FAM222A: variants seen among roughly 807,000 people sequenced by gnomAD.
FAM222A encodes family with sequence similarity 222 member A, also known as protein FAM222A.
In FAM222A, 7 loss-of-function variants were observed where a neutral mutation model predicts 25.8. The observed-to-expected ratio is 0.27, with a 90% confidence interval of 0.15 to 0.51. The LOEUF is 0.51. Ranked by LOEUF, FAM222A falls within the 20% of genes least tolerant of loss-of-function variation. The pLI is 0.97. For missense variants in FAM222A, 573 were observed against 640.5 expected, an observed-to-expected ratio of 0.89 and a Z score of 1.14; for synonymous variants, 294 against 298.8, an observed-to-expected ratio of 0.98 and a Z score of 0.17.
chr12:109,727,833 A>G (rs1046979517), intron 1 of FAM222A, among the ~76,000 whole-genome samples: 5 of 152,134 alleles, frequency 3.3e-5, no homozygotes, highest in African/African-American at 7.2e-5. Flanking sequence ...CCCACCACCA[A>G]AGTCCTGGGT....
Position 109,714,234 on chromosome 12 carries a change from T to C in FAM222A, c.-710T>C. 1 of 206,752 alleles carries C rather than the reference T, an allele frequency of 4.8e-6. No individual in the cohort carries two copies. The allele number at this position is 206,752 out of a possible 1,614,324, so 12.8% of individuals were successfully genotyped here. A position where few individuals can be genotyped will look rare whatever the true frequency, so the allele number is the denominator to read the frequency against. ...CCGCCGCCGCTGCCGCCGCCGCTGT[T>C]CGCCGGCTTCCCCTCCCCCCACACC... On this transcript the variant is annotated 5_prime_UTR_variant, in exon 1 of 3. Coordinates refer to ENST00000538780, the MANE Select transcript of FAM222A (RefSeq NM_032829.3). This position sits in a 1 kb window ranked among gnomAD's most constrained non-coding sequence, Gnocchi z 4.2.
intron 1 of FAM222A, among the ~76,000 whole-genome samples, chr12:109,726,932 G>T (rs1270666547): frequency 2.0e-5 from 3 of 152,208 alleles, no homozygotes; most frequent in African/African-American, 4.8e-5. Flanking sequence ...AGTCCAAAAA[G>T]TTGGGTGTGC....
chr12:109,715,424 T>C (rs1369629516), intron 1 of FAM222A, among the ~76,000 whole-genome samples: 3 of 152,204 alleles, frequency 2.0e-5, no homozygotes, highest in Admixed American at 6.5e-5. Flanking sequence ...GGACGGTAGG[T>C]TCCCCAGTGG....
chr12:109,745,365 A>G (rs1015629830), intron 2 of FAM222A, among the ~76,000 whole-genome samples: 4 of 152,214 alleles, frequency 2.6e-5, no homozygotes, highest in African/African-American at 9.6e-5. Context: ...CCAGTCCTCT[A>G]TTTAGACTGT....
chr12:109,767,760 CA>C (rs1889098739), intron 2 of FAM222A, among the ~76,000 whole-genome samples: 1 of 152,140 alleles, frequency 6.6e-6, no homozygotes. Context: ...AGGGACCCTA[CA>C]GGGGATTAGC....
chr12:109,719,984 C>T (rs144177007), intron 1 of FAM222A: 3 of 529,814 alleles, frequency 5.7e-6, no homozygotes, highest in African/African-American at 4.1e-5. Context: ...ATTATTTTAC[C>T]CCTCTGTGCC....
chr12:109,724,222 A>G (rs1436556500), intron 1 of FAM222A, among the ~76,000 whole-genome samples: 1 of 152,230 alleles, frequency 6.6e-6, no homozygotes, highest in Non-Finnish European at 1.5e-5. Flanking sequence ...GTGCCATGCC[A>G]TGGTTCAAGT....
chr12:109,719,394 C>T (rs1182824942), intron 1 of FAM222A, among the ~76,000 whole-genome samples: 1 of 152,212 alleles, frequency 6.6e-6, no homozygotes, highest in Non-Finnish European at 1.5e-5. Context: ...CTCCTCTTCC[C>T]ACCCACTCGT....
chr12:109,734,427 A>G (rs895352077), intron 1 of FAM222A: 1 of 151,770 alleles, frequency 6.6e-6, no homozygotes, highest in Admixed American at 6.6e-5. Context: ...CAGAAAGCTC[A>G]CTGCTTCCTG....
chr12:109,739,541 G>A (rs577861964), intron 1 of FAM222A, among the ~76,000 whole-genome samples: 6 of 152,240 alleles, frequency 3.9e-5, no homozygotes, highest in Admixed American at 3.3e-4. Flanking sequence ...CCTGATTTGC[G>A]CTCCTTGAAT....
intron 1 of FAM222A, among the ~76,000 whole-genome samples, chr12:109,717,359 C>T (rs1057072344): frequency 5.9e-5 from 9 of 152,168 alleles, no homozygotes; most frequent in Non-Finnish European, 7.3e-5. Flanking sequence ...TGGAGGGAGG[C>T]GGTGAAGCTG....
At chr12:109,741,461 G>T (rs1006539641) in intron 1 of FAM222A, among the ~76,000 whole-genome samples, 1 of 152,186 alleles carries the variant, frequency 6.6e-6, no homozygotes, top group Non-Finnish European at 1.5e-5. Flanking sequence ...ATAAGAGCAC[G>T]CTGACAACTA....
intron 2 of FAM222A, among the ~76,000 whole-genome samples, chr12:109,750,777 TA>T (rs754241965): frequency 2.9e-3 from 413 of 143,702 alleles, no homozygotes; most frequent in Middle Eastern, 0.021. Flanking sequence ...TGAGTGGGTT[TA>T]AAAAAAAAAA....
chr12:109,753,705 A>AC (rs775108602), intron 2 of FAM222A, among the ~76,000 whole-genome samples: 62 of 140,320 alleles, frequency 4.4e-4, no homozygotes, highest in Middle Eastern at 3.2e-3. Flanking sequence ...TCCCAGCCTC[A>AC]CCCCACCCCC....
At position 109,768,940 on chromosome 12, in the gene FAM222A, C is replaced by A; in HGVS notation, c.1011C>A (p.Thr337=). The change falls in exon 3 of 3, where the codon ACC becomes ACA. Residue 337 remains threonine, a synonymous_variant. Coordinates refer to ENST00000538780, the MANE Select transcript of FAM222A (RefSeq NM_032829.3). ...TCAACTGTGGCGTGGGGCTGCCCAC[C>A]AGCTTCACCGTAGGCCAGTACTTTG... ...SPLNCGVGLP[T]SFTVGQYFAA... is the part of the protein sequence containing the mutation. 5 of 1,574,928 alleles carry A rather than the reference C, an allele frequency of 3.2e-6. No homozygotes were observed. The highest frequency in any genetic ancestry group is 4.3e-6 in the Non-Finnish European group (5 of 1,167,060).
At chr12:109,732,484 A>G (rs1354137986) in intron 1 of FAM222A, among the ~76,000 whole-genome samples, 2 of 152,242 alleles carry the variant, frequency 1.3e-5, no homozygotes, top group Non-Finnish European at 2.9e-5. Context: ...ATTGTCTGGC[A>G]TGTGGGGGCG....
intron 2 of FAM222A, among the ~76,000 whole-genome samples, chr12:109,760,736 G>A (rs985787618): frequency 1.3e-5 from 2 of 152,192 alleles, no homozygotes; most frequent in Non-Finnish European, 2.9e-5. Context: ...CTGCGGAAGG[G>A]CAAGGCCATG....
chr12:109,718,071 T>C (rs1887676867), intron 1 of FAM222A, among the ~76,000 whole-genome samples: 1 of 152,174 alleles, frequency 6.6e-6, no homozygotes, highest in Admixed American at 6.5e-5. Context: ...AGAAGGACCA[T>C]AGCACTCACT....
At chr12:109,725,758 C>T (rs1489690309) in intron 1 of FAM222A, among the ~76,000 whole-genome samples, 2 of 151,866 alleles carry the variant, frequency 1.3e-5, no homozygotes, top group African/African-American at 2.4e-5. Flanking sequence ...TAAACGCTCA[C>T]AATTAATGCC....
Sources: gnomAD v4.1 joint callset for allele counts (sites outside exome capture counted in the v4.1 genomes callset) on GRCh38, gnomAD v4.1.1 for gene constraint, Gnocchi (gnomAD v3.1) non-coding constraint, MANE v1.5 for transcripts, NCBI Gene and HGNC (gene_info 2026-07-23, HGNC 2026-07-21) for gene names.